TSHZ2: variants seen among roughly 807,000 people sequenced by gnomAD.
TSHZ2 encodes teashirt homolog 2.
Under a neutral mutation model 74.4 loss-of-function variants are expected in TSHZ2, and 21 were observed. The ratio of observed to expected loss-of-function variants is 0.28; its 90% CI spans 0.20 to 0.41. TSHZ2 has a LOEUF of 0.41. Ranked by LOEUF, TSHZ2 falls within the 10% of genes least tolerant of loss-of-function variation. TSHZ2 has a pLI of 1.00. For synonymous variants in TSHZ2, 540 were observed against 515.3 expected (o/e 1.05, Z -0.65); for missense variants, 1,244 against 1,293.5 (o/e 0.96, Z 0.59).
intron 1 of TSHZ2, among the ~76,000 whole-genome samples, chr20:53,163,823 T>C (rs918379694): frequency 3.9e-5 from 6 of 152,250 alleles, no homozygotes; most frequent in Non-Finnish European, 2.9e-5. Context: ...TCTAGTTTCC[T>C]AAACCACAGA....
At chr20:53,357,044 A>C (rs573028415) in intron 2 of TSHZ2, among the ~76,000 whole-genome samples, 1 of 152,278 alleles carries the variant, frequency 6.6e-6, no homozygotes, top group East Asian at 1.9e-4. Context: ...AAATCCCTAA[A>C]ACACAAAAAT....
intron 2 of TSHZ2, among the ~76,000 whole-genome samples, chr20:53,378,835 A>T (rs904415284): frequency 3.3e-5 from 5 of 152,216 alleles, no homozygotes; most frequent in Non-Finnish European, 7.3e-5. Context: ...TTTAAAAGTC[A>T]GTTGATGTAA....
chr20:53,411,586 C>T (rs530871253), intron 2 of TSHZ2, among the ~76,000 whole-genome samples: 40 of 152,200 alleles, frequency 2.6e-4, no homozygotes, highest in African/African-American at 9.4e-4. Context: ...CCCAGCACTT[C>T]GAGAGGCTAA....
intron 2 of TSHZ2, among the ~76,000 whole-genome samples, chr20:53,449,836 C>A (rs1216498357): frequency 6.6e-6 from 1 of 152,230 alleles, no homozygotes; most frequent in Admixed American, 6.5e-5. Context: ...ACACATTAAT[C>A]ACCACCCCCA....
At chr20:53,071,483 C>G (rs546323067) in intron 1 of TSHZ2, among the ~76,000 whole-genome samples, 1 of 152,204 alleles carries the variant, frequency 6.6e-6, no homozygotes, top group Non-Finnish European at 1.5e-5. Context: ...TTAAGTTACC[C>G]AAAGAGTCAA....
chr20:52,999,741 C>A (rs1339362263), intron 1 of TSHZ2, among the ~76,000 whole-genome samples: 6 of 152,252 alleles, frequency 3.9e-5, no homozygotes, highest in African/African-American at 1.4e-4. Context: ...TTTCCTTGGG[C>A]AAACTGGGAT....
At chr20:53,059,262 A>T (rs1307407608) in intron 1 of TSHZ2, among the ~76,000 whole-genome samples, 8 of 152,250 alleles carry the variant, frequency 5.3e-5, no homozygotes, top group Non-Finnish European at 1.0e-4. Context: ...AGCTAAGTAG[A>T]TGAACACAGT....
At chr20:53,166,228 A>G (rs577053631) in intron 1 of TSHZ2, among the ~76,000 whole-genome samples, 192 of 152,288 alleles carry the variant, frequency 1.3e-3, no homozygotes, top group Non-Finnish European at 2.4e-3. Context: ...ATATTCTATT[A>G]ATCAAGTTAG....
intron 2 of TSHZ2, among the ~76,000 whole-genome samples, chr20:53,347,903 A>G (rs1432581705): frequency 6.6e-6 from 1 of 152,176 alleles, no homozygotes; most frequent in Non-Finnish European, 1.5e-5. Flanking sequence ...GTGTGCACCT[A>G]TGCCACTATC....
intron 2 of TSHZ2, among the ~76,000 whole-genome samples, chr20:53,273,747 G>A (rs1045157768): frequency 1.2e-4 from 18 of 152,124 alleles, no homozygotes; most frequent in Non-Finnish European, 2.5e-4. Flanking sequence ...GAAGGAATGC[G>A]TGGACCTGGG....
At chr20:53,240,350 G>T (rs1175660457) in intron 1 of TSHZ2, among the ~76,000 whole-genome samples, 5 of 151,984 alleles carry the variant, frequency 3.3e-5, no homozygotes, top group Non-Finnish European at 7.4e-5. Flanking sequence ...ACACTTATTG[G>T]GAAGCAACCA....
chr20:53,195,431 TAAAGTG>T (rs1392931086), intron 1 of TSHZ2, among the ~76,000 whole-genome samples: 1 of 152,180 alleles, frequency 6.6e-6, no homozygotes, highest in Non-Finnish European at 1.5e-5. Flanking sequence ...TACAGGTAAA[TAAAGTG>T]AAGGTTTGTA....
intron 2 of TSHZ2, among the ~76,000 whole-genome samples, chr20:53,457,397 C>T (rs1420019901): frequency 3.7e-5 from 4 of 109,180 alleles, no homozygotes; most frequent in African/African-American, 1.6e-4. Context: ...GTGATTTTTG[C>T]ACATTGATTT....
intron 1 of TSHZ2, among the ~76,000 whole-genome samples, chr20:53,190,289 A>G (rs1483145744): frequency 6.6e-6 from 1 of 151,306 alleles, no homozygotes; most frequent in African/African-American, 2.4e-5. Flanking sequence ...TAGGTTGTCC[A>G]ACCAGTTGTT....
chr20:53,010,486 G>A (rs1016636235), intron 1 of TSHZ2, among the ~76,000 whole-genome samples: 3 of 152,156 alleles, frequency 2.0e-5, no homozygotes, highest in African/African-American at 7.2e-5. Flanking sequence ...CCAGCTGGAT[G>A]CAAGATCCTC....
intron 2 of TSHZ2, among the ~76,000 whole-genome samples, chr20:53,367,431 T>A (rs1040719651): frequency 3.3e-5 from 5 of 151,826 alleles, no homozygotes; most frequent in South Asian, 2.1e-4. Context: ...AAATAAATTT[T>A]TAAATTTTTT....
At chr20:53,130,726 C>G (rs1987079628) in intron 1 of TSHZ2, among the ~76,000 whole-genome samples, 1 of 152,208 alleles carries the variant, frequency 6.6e-6, no homozygotes, top group Admixed American at 6.5e-5. Context: ...GAGAAGATCT[C>G]AGTCGCTGGA....
intron 1 of TSHZ2, among the ~76,000 whole-genome samples, chr20:53,022,465 A>C (rs773095300): frequency 6.6e-6 from 1 of 152,182 alleles, no homozygotes; most frequent in Non-Finnish European, 1.5e-5. Flanking sequence ...AATTGGGCCA[A>C]AGTTTCAAAC....
At chr20:53,066,917 C>T (rs1344507616) in intron 1 of TSHZ2, among the ~76,000 whole-genome samples, 1 of 152,172 alleles carries the variant, frequency 6.6e-6, no homozygotes, top group East Asian at 1.9e-4. Flanking sequence ...GCGTCTTTTA[C>T]AGAGTGGGGT....
Sources: gnomAD v4.1 joint callset for allele counts (sites outside exome capture counted in the v4.1 genomes callset) on GRCh38, gnomAD v4.1.1 for gene constraint, MANE v1.5 for transcripts, NCBI Gene and HGNC (gene_info 2026-07-23, HGNC 2026-07-21) for gene names.